The following CLEC2B variants were observed in gnomAD, a reference collection of about 807,000 sequenced individuals.
CLEC2B encodes C-type (calcium dependent, carbohydrate-recognition domain) lectin, superfamily member 2 (activation-induced).
Under a neutral mutation model 16.2 loss-of-function variants are expected in CLEC2B, and 14 were observed. That is an observed-to-expected ratio of 0.86 (90% CI 0.57 to 1.35). The LOEUF is 1.35. Among genes scored for constraint, CLEC2B ranks in the 40% most tolerant of loss-of-function variants. The pLI is 0.00. For synonymous variants in CLEC2B, 42 were observed against 55.8 expected, an observed-to-expected ratio of 0.75 and a Z score of 1.10; for missense variants, 166 against 182.3, an observed-to-expected ratio of 0.91 and a Z score of 0.52.
intron 2 of CLEC2B, among the ~76,000 whole-genome samples, chr12:9,858,398 T>G (rs2136978356): frequency 6.6e-6 from 1 of 152,150 alleles, no homozygotes; most frequent in South Asian, 2.1e-4. Context: ...ATCCCTAATT[T>G]CTACATAAAA....
intron 3 of CLEC2B, among the ~76,000 whole-genome samples, chr12:9,855,881 T>A (rs1463817092): frequency 3.9e-5 from 6 of 152,236 alleles, no homozygotes; most frequent in East Asian, 1.9e-4. Context: ...ATTAAACTAT[T>A]TTAAATAATC....
chr12:9,864,061 A>G (rs1867952488), intron 1 of CLEC2B, among the ~76,000 whole-genome samples: 1 of 151,996 alleles, frequency 6.6e-6, no homozygotes, highest in Non-Finnish European at 1.5e-5. Flanking sequence ...GCAAGAGAAG[A>G]GAAGCAAATA....
chr12:9,854,670 G>A (rs1465281039), intron 3 of CLEC2B, 186 bp from the exon 4 acceptor site: 5 of 525,612 alleles, frequency 9.5e-6, no homozygotes, highest in Admixed American at 3.7e-5. Flanking sequence ...TTTTTTTTGT[G>A]AAACAAATAT....
chr12:9,853,594 T>A (rs534643049), intron 4 of CLEC2B, among the ~76,000 whole-genome samples, 186 bp from the exon 5 acceptor site: 1 of 152,336 alleles, frequency 6.6e-6, no homozygotes, highest in East Asian at 1.9e-4. Context: ...AATTTGTACA[T>A]GTTAAACTGG....
chr12:9,864,120 A>G (rs1349588250), intron 1 of CLEC2B, among the ~76,000 whole-genome samples: 4 of 151,148 alleles, frequency 2.6e-5, no homozygotes, highest in Non-Finnish European at 4.4e-5. Flanking sequence ...CTCAGTGGAA[A>G]CCATACAGAC....
chr12:9,859,066 T>C (rs1444549518), intron 2 of CLEC2B, among the ~76,000 whole-genome samples: 3 of 151,924 alleles, frequency 2.0e-5, no homozygotes, highest in Non-Finnish European at 2.9e-5. Flanking sequence ...GTGTCTTCAA[T>C]GTTCTTTCTC....
chr12:9,858,346 C>T (rs1054165199), intron 2 of CLEC2B, among the ~76,000 whole-genome samples: 3 of 152,032 alleles, frequency 2.0e-5, no homozygotes, highest in Non-Finnish European at 2.9e-5. Flanking sequence ...CAGCCCCAGC[C>T]TTGAGCTATG....
At position 9,853,290 on chromosome 12, in the gene CLEC2B, A is replaced by C; in HGVS notation, c.*10T>G. 1.3e-6 allele frequency: 2 copies of C among 1,553,736 alleles called. No homozygotes were observed. The highest frequency in any genetic ancestry group is 1.8e-6 in the Non-Finnish European group (2 of 1,125,438). On this transcript the variant is annotated 3_prime_UTR_variant, in exon 5 of 5. Coordinates refer to ENST00000228438, the MANE Select transcript of CLEC2B (RefSeq NM_005127.3). ...TATTTTCTATTTTCCCCATTATCTT[A>C]GACATTAACTTAGTGTATTCTTTTC...
intron 3 of CLEC2B, among the ~76,000 whole-genome samples, chr12:9,855,176 A>G (rs1867886211): frequency 1.3e-5 from 2 of 152,118 alleles, no homozygotes; most frequent in East Asian, 1.9e-4. Context: ...CTTGGAAACT[A>G]TATTCACACT....
At chr12:9,853,498 G>A (rs1016482151) in intron 4 of CLEC2B, 90 bp from the exon 5 acceptor site, 122 of 927,548 alleles carry the variant, frequency 1.3e-4, no homozygotes, top group Non-Finnish European at 2.0e-4. Flanking sequence ...TGTCTAAAGT[G>A]CTGCAAGGTG....
intron 1 of CLEC2B, chr12:9,867,339 T>C (rs1867977989): frequency 6.6e-6 from 1 of 152,208 alleles, no homozygotes; most frequent in Admixed American, 6.5e-5. Flanking sequence ...AAATAACTAA[T>C]GAATTCAACA....
chr12:9,859,580 T>A (rs1198511375), intron 2 of CLEC2B, among the ~76,000 whole-genome samples: 1 of 151,560 alleles, frequency 6.6e-6, no homozygotes, highest in Non-Finnish European at 1.5e-5. Context: ...CAAAAAGAAA[T>A]CTCCCTGTCC....
intron 2 of CLEC2B, among the ~76,000 whole-genome samples, chr12:9,861,763 T>C (rs1391593804): frequency 3.3e-5 from 5 of 152,060 alleles, no homozygotes; most frequent in African/African-American, 1.2e-4. Flanking sequence ...GTAAAAATAA[T>C]TTTTACATTT....
intron 3 of CLEC2B, chr12:9,856,763 A>G (rs1686930335): frequency 6.6e-6 from 1 of 152,110 alleles, no homozygotes; most frequent in South Asian, 2.1e-4. Context: ...AACAAAGGTA[A>G]GTATGTTTAC....
intron 4 of CLEC2B, 53 bp from the exon 5 acceptor site, chr12:9,853,461 T>A: frequency 6.9e-7 from 1 of 1,445,374 alleles, no homozygotes; most frequent in South Asian, 1.1e-5. Context: ...TCCTTGCCCA[T>A]GGACACCTTT....
chr12:9,854,631 A>G (rs1867880145), intron 3 of CLEC2B, 147 bp from the exon 4 acceptor site: 3 of 538,450 alleles, frequency 5.6e-6, no homozygotes, highest in Middle Eastern at 3.3e-4. Context: ...AGTTTTGAAA[A>G]AGTACTTTAT....
intron 1 of CLEC2B, among the ~76,000 whole-genome samples, chr12:9,866,738 AC>A (rs1265865596): frequency 2.6e-5 from 4 of 152,050 alleles, no homozygotes; most frequent in Non-Finnish European, 5.9e-5. Context: ...TGAAAAGAAA[AC>A]CCTAAGCTGC....
Position 9,853,316 on chromosome 12 carries a change from C to T in CLEC2B, c.434G>A (p.Arg145Lys), listed in dbSNP as rs947154216. The T allele has an allele frequency of 1.9e-6, 3 of 1,612,002 alleles. No individual in the cohort carries two copies. Among genetic ancestry groups the T allele is most frequent in the Middle Eastern group, 1.7e-4 (1 of 6,058 alleles). Residue 145 changes from arginine (R) to lysine (K), a missense_variant, in exon 5 of 5, where the codon AGG becomes AAG. Coordinates refer to ENST00000228438, the MANE Select transcript of CLEC2B (RefSeq NM_005127.3). ...GACATTAACTTAGTGTATTCTTTTC[C>T]TGCAAATCCATTTTCTTTCGGTGTA... ...RCYTERKWIC[R>K]KRIH is the part of the protein sequence containing the mutation.
chr12:9,861,984 G>C (rs1475754184), intron 2 of CLEC2B, among the ~76,000 whole-genome samples: 1 of 151,702 alleles, frequency 6.6e-6, no homozygotes, highest in African/African-American at 2.4e-5. Flanking sequence ...TTACTATCTG[G>C]GTCTTTTTAT....
Sources: gnomAD v4.1 joint callset for allele counts (sites outside exome capture counted in the v4.1 genomes callset) on GRCh38, gnomAD v4.1.1 for gene constraint, MANE v1.5 for transcripts, NCBI Gene and HGNC (gene_info 2026-07-23, HGNC 2026-07-21) for gene names.